Variants in ARHGEF12 observed in about 807,000 individuals in gnomAD.
ARHGEF12 encodes KMT2A/ARHGEF12 fusion protein.
Under a neutral mutation model 211.2 loss-of-function variants are expected in ARHGEF12, and 66 were observed. The ratio of observed to expected loss-of-function variants is 0.31; its 90% CI spans 0.26 to 0.38. The LOEUF is 0.38. ARHGEF12 is among the 10% of genes least tolerant of loss of function. The probability of loss-of-function intolerance (pLI) is 1.00; values close to 1 mark genes in which losing one functional copy is unlikely to be tolerated. For missense variants in ARHGEF12, 1,429 were observed against 1,869.5 expected (o/e 0.76, Z 4.34); for synonymous variants, 592 against 638.4 (o/e 0.93, Z 1.09).
At chr11:120,407,633 A>G (rs1280611669) in intron 2 of ARHGEF12, 105 bp from the exon 3 acceptor site, 2 of 813,648 alleles carry the variant, frequency 2.5e-6, no homozygotes, top group Non-Finnish European at 4.0e-6. Flanking sequence ...GTGTAAAGTA[A>G]ACTGATTTCC....
At chr11:120,482,343 A>G (rs946544411) in intron 39 of ARHGEF12, among the ~76,000 whole-genome samples, 2 of 152,178 alleles carry the variant, frequency 1.3e-5, no homozygotes, top group Non-Finnish European at 2.9e-5. Context: ...TGGCTCCTGT[A>G]ATCTAAAAAC....
chr11:120,395,051 T>A (rs1196205610), intron 1 of ARHGEF12, among the ~76,000 whole-genome samples: 1 of 109,474 alleles, frequency 9.1e-6, no homozygotes, highest in African/African-American at 3.8e-5. Context: ...AGCAAGACTC[T>A]ATCTCAAAAA....
intron 31 of ARHGEF12, among the ~76,000 whole-genome samples, 191 bp downstream of exon 31, chr11:120,473,318 A>G (rs1054468498): frequency 2.0e-5 from 3 of 152,186 alleles, no homozygotes; most frequent in Non-Finnish European, 2.9e-5. Context: ...CATTAGAGGA[A>G]TATCTTGCAT....
chr11:120,374,124 G>A (rs1395278939), intron 1 of ARHGEF12, among the ~76,000 whole-genome samples: 1 of 152,116 alleles, frequency 6.6e-6, no homozygotes, highest in African/African-American at 2.4e-5. Context: ...GTATTTTTAT[G>A]GACACCCATA....
At chr11:120,364,661 T>A (rs1347557874) in intron 1 of ARHGEF12, among the ~76,000 whole-genome samples, 10 of 152,172 alleles carry the variant, frequency 6.6e-5, no homozygotes, top group Non-Finnish European at 1.2e-4. Context: ...TGATAAAATA[T>A]ATGTAAGCAT....
intron 1 of ARHGEF12, among the ~76,000 whole-genome samples, chr11:120,390,833 A>G (rs148664788): frequency 0.013 from 1,919 of 152,256 alleles, 35 homozygotes; most frequent in African/African-American, 0.044. Context: ...CTAGTTATAT[A>G]ACTTGTATAT....
intron 1 of ARHGEF12, among the ~76,000 whole-genome samples, chr11:120,400,601 T>G (rs1439283092): frequency 6.6e-6 from 1 of 152,162 alleles, no homozygotes; most frequent in Non-Finnish European, 1.5e-5. Flanking sequence ...TTCACAAAAG[T>G]GATAATTTTC....
chr11:120,380,939 T>TA (rs1943861183), intron 1 of ARHGEF12, among the ~76,000 whole-genome samples: 1 of 152,244 alleles, frequency 6.6e-6, no homozygotes, highest in Non-Finnish European at 1.5e-5. Context: ...GTTTTCCGGT[T>TA]ACTGTTTATG....
intron 1 of ARHGEF12, among the ~76,000 whole-genome samples, chr11:120,356,404 G>T (rs1419615650): frequency 6.6e-6 from 1 of 152,132 alleles, no homozygotes; most frequent in Non-Finnish European, 1.5e-5. Flanking sequence ...TTTAAGTAGA[G>T]ATGGGGTTTC....
chr11:120,460,615 A>G, intron 26 of ARHGEF12, 57 bp from the exon 27 acceptor site: 4 of 1,440,474 alleles, frequency 2.8e-6, no homozygotes, highest in Non-Finnish European at 3.9e-6. Flanking sequence ...CTGTACTACC[A>G]GTAATTCTGT....
At chr11:120,431,208 T>G (rs1945519323) in intron 10 of ARHGEF12, among the ~76,000 whole-genome samples, 1 of 152,088 alleles carries the variant, frequency 6.6e-6, no homozygotes, top group South Asian at 2.1e-4. Context: ...GAGAATGGCT[T>G]GAACCATGGA....
chr11:120,394,531 A>T (rs1944315239), intron 1 of ARHGEF12, among the ~76,000 whole-genome samples: 1 of 151,512 alleles, frequency 6.6e-6, no homozygotes, highest in Non-Finnish European at 1.5e-5. Context: ...AGAAGAGCAA[A>T]TTAAAACCAA....
At chr11:120,437,239 C>T (rs1180442145) in intron 11 of ARHGEF12, 69 bp from the exon 12 acceptor site, 30 of 1,084,838 alleles carry the variant, frequency 2.8e-5, no homozygotes, top group Non-Finnish European at 3.7e-5. Flanking sequence ...TTTTTTTTCA[C>T]ACTTTTTTCC....
At chr11:120,364,038 G>T (rs1229446167) in intron 1 of ARHGEF12, among the ~76,000 whole-genome samples, 1 of 152,102 alleles carries the variant, frequency 6.6e-6, no homozygotes, top group Non-Finnish European at 1.5e-5. Context: ...TGAAGTCCTG[G>T]GCTTAAGTGA....
At chr11:120,354,727 A>G (rs180771237) in intron 1 of ARHGEF12, among the ~76,000 whole-genome samples, 186 of 152,308 alleles carry the variant, frequency 1.2e-3, no homozygotes, top group African/African-American at 4.3e-3. Context: ...CACCAACTAA[A>G]TCTTTTATTG....
intron 1 of ARHGEF12, among the ~76,000 whole-genome samples, chr11:120,382,859 G>A (rs1943915487): frequency 6.6e-6 from 1 of 152,202 alleles, no homozygotes; most frequent in Admixed American, 6.5e-5. Context: ...GCAGTAAGGG[G>A]GCCGGGCGAG....
intron 1 of ARHGEF12, among the ~76,000 whole-genome samples, chr11:120,373,034 G>A (rs748815073): frequency 2.0e-5 from 3 of 151,932 alleles, no homozygotes; most frequent in Non-Finnish European, 4.4e-5. Context: ...TTTTTTCTTA[G>A]AAGTAATTTT....
At chr11:120,457,923 A>T (rs569925063) in intron 24 of ARHGEF12, 157 bp from the exon 25 acceptor site, 1 of 1,140,080 alleles carries the variant, frequency 8.8e-7, no homozygotes, top group Non-Finnish European at 1.2e-6. Flanking sequence ...TGTATTTTGA[A>T]GTATGTATAA....
chr11:120,344,091 C>T (rs890910197), intron 1 of ARHGEF12, among the ~76,000 whole-genome samples: 3 of 151,710 alleles, frequency 2.0e-5, no homozygotes, highest in African/African-American at 7.3e-5. Flanking sequence ...CATGGTGAAA[C>T]CCTGTCTCTA....
Sources: gnomAD v4.1 joint callset for allele counts (sites outside exome capture counted in the v4.1 genomes callset) on GRCh38, gnomAD v4.1.1 for gene constraint, MANE v1.5 for transcripts, NCBI Gene and HGNC (gene_info 2026-07-23, HGNC 2026-07-21) for gene names.